Variants in ACO2 observed in about 807,000 individuals in gnomAD.
The protein encoded by ACO2 is aconitase 2, also known as aconitate hydratase, mitochondrial.
ACO2 carries 31 observed loss-of-function variants against 84.5 expected under a neutral mutation model. The observed-to-expected ratio is 0.37, with a 90% CI of 0.28 to 0.50. ACO2 has a LOEUF of 0.50. Among genes scored for constraint, ACO2 ranks in the 20% least tolerant of loss-of-function variants. The pLI, the probability that ACO2 is intolerant of heterozygous loss-of-function variation, is 0.97. For synonymous variants in ACO2, 414 were observed against 412.7 expected (o/e 1.00, Z -0.04); for missense variants, 685 against 1,029.3 (o/e 0.67, Z 4.58).
chr22:41,482,740 T>C (rs540722373), intron 1 of ACO2, among the ~76,000 whole-genome samples: 1 of 152,320 alleles, frequency 6.6e-6, no homozygotes, highest in East Asian at 1.9e-4. Context: ...CTAGGTTCTC[T>C]CCTTTCATCC....
At chr22:41,488,996 C>T (rs951891057) in intron 1 of ACO2, among the ~76,000 whole-genome samples, 1 of 151,994 alleles carries the variant, frequency 6.6e-6, no homozygotes, top group Non-Finnish European at 1.5e-5. Flanking sequence ...TTTACAAAAC[C>T]TTCCAGGTGA....
intron 6 of ACO2, chr22:41,517,227 T>TCAGG (rs1212915391): frequency 7.6e-6 from 3 of 392,878 alleles, no homozygotes; most frequent in Non-Finnish European, 1.5e-5. Context: ...TGGGCGACAG[T>TCAGG]CAGGCCCCAA....
chr22:41,473,135 A>G (rs2037965895), intron 1 of ACO2, among the ~76,000 whole-genome samples: 1 of 152,228 alleles, frequency 6.6e-6, no homozygotes, highest in Admixed American at 6.5e-5. Flanking sequence ...AGATGTGGAC[A>G]GAGGGAACAG....
intron 1 of ACO2, among the ~76,000 whole-genome samples, chr22:41,473,227 G>T (rs1195723943): frequency 1.3e-5 from 2 of 152,168 alleles, no homozygotes; most frequent in East Asian, 3.8e-4. Context: ...AGCTTTGGCT[G>T]GGCTCGGTGG....
chr22:41,481,580 G>A (rs2038087625), intron 1 of ACO2, among the ~76,000 whole-genome samples: 1 of 152,228 alleles, frequency 6.6e-6, no homozygotes, highest in Admixed American at 6.5e-5. Flanking sequence ...TCCGTCCTTT[G>A]GGAAGAGAGG....
Position 41,527,003 on chromosome 22 carries a change from T to A in ACO2, c.1954-285T>A, listed in dbSNP as rs547070828. On this transcript the variant is annotated intron_variant, in intron 15 of 17. Transcript: ENST00000216254. ...GAGGCCGTCCCTGTCTCACCCAACC[T>A]CCCTCCACACACACCTGCCTCTGCC... 5.2e-3 allele frequency: 2,638 copies of A among 504,330 alleles called. 21 individuals are homozygous for A. The highest frequency in any genetic ancestry group is 7.3e-3 in the Non-Finnish European group (2,064 of 282,218). 31.2% of individuals were successfully genotyped at this position (504,330 alleles called of 1,614,324 possible).
At chr22:41,511,357 A>C (rs2066431726) in intron 3 of ACO2, among the ~76,000 whole-genome samples, 1 of 152,098 alleles carries the variant, frequency 6.6e-6, no homozygotes, top group Admixed American at 6.6e-5. Context: ...TTTTTAGTAG[A>C]GACAGGGTTT....
chr22:41,491,965 C>A (rs960439177), intron 1 of ACO2, among the ~76,000 whole-genome samples: 5 of 152,152 alleles, frequency 3.3e-5, no homozygotes, highest in Admixed American at 2.6e-4. Flanking sequence ...GGCCGAGATT[C>A]TAGAGGTAGC....
intron 14 of ACO2, 115 bp from the exon 15 acceptor site, chr22:41,526,147 C>A: frequency 3.4e-6 from 3 of 876,736 alleles, no homozygotes; most frequent in Non-Finnish European, 5.3e-6. Context: ...GCCTGCCTCT[C>A]ACCCCTCTGT....
At chr22:41,526,634 C>A (rs1203317005) in intron 15 of ACO2, 181 bp downstream of exon 15, 1 of 594,920 alleles carries the variant, frequency 1.7e-6, no homozygotes, top group East Asian at 3.0e-5. Context: ...GGCATGAGGC[C>A]CAGGTCCGGT....
chr22:41,512,023 C>A, intron 4 of ACO2, 55 bp downstream of exon 4: 1 of 1,461,160 alleles, frequency 6.8e-7, no homozygotes, highest in Non-Finnish European at 9.3e-7. Context: ...AAGTATGTTC[C>A]AGGCCTATGG....
At chr22:41,513,263 A>G (rs2066449267) in intron 4 of ACO2, among the ~76,000 whole-genome samples, 2 of 152,192 alleles carry the variant, frequency 1.3e-5, no homozygotes. Context: ...CTCCTGGGCC[A>G]AAGTTTGGAG....
At chr22:41,475,169 C>CTTTTT (rs1161178390) in intron 1 of ACO2, among the ~76,000 whole-genome samples, 1 of 120,256 alleles carries the variant, frequency 8.3e-6, no homozygotes, top group Non-Finnish European at 1.7e-5. Context: ...TTGTTTTTTC[C>CTTTTT]TTTTTTTTTT....
At chr22:41,526,815 G>T in intron 15 of ACO2, 1 of 308,014 alleles carries the variant, frequency 3.2e-6, no homozygotes, top group East Asian at 6.6e-5. Flanking sequence ...TGAGGTGATT[G>T]GACTTTTTCT....
intron 15 of ACO2, 104 bp from the exon 16 acceptor site, chr22:41,527,184 C>G: frequency 1.3e-6 from 2 of 1,567,300 alleles, no homozygotes; most frequent in Non-Finnish European, 1.7e-6. Context: ...CCGGGAGCCT[C>G]AGGATGCCCA....
Position 41,528,540 on chromosome 22 carries a change from C to G in ACO2, c.2270C>G (p.Thr757Ser). ...CAGGAGACCATCCTCCTGAACCACA[C>G]CTTCAACGAGACGCAGATTGAGTGG... ...GTQETILLNH[T>S]FNETQIEWFR... Residue 757 changes from threonine (T) to serine (S), a missense_variant, in exon 18 of 18, where the codon ACC (threonine) becomes AGC (serine). Thr to Ser is a moderately conservative substitution (Grantham distance 58). Transcript: ENST00000216254. The G allele has an allele frequency of 6.2e-7, 1 of 1,613,210 alleles. No individual in the cohort carries two copies. The highest frequency in any genetic ancestry group is 8.5e-7 in the Non-Finnish European group (1 of 1,180,044).
At chr22:41,480,731 A>G (rs1442209659) in intron 1 of ACO2, among the ~76,000 whole-genome samples, 1 of 152,182 alleles carries the variant, frequency 6.6e-6, no homozygotes, top group African/African-American at 2.4e-5. Flanking sequence ...CCCAGTCCCC[A>G]GGGCAATTTT....
At chr22:41,479,136 C>T (rs2038056905) in intron 1 of ACO2, among the ~76,000 whole-genome samples, 2 of 152,112 alleles carry the variant, frequency 1.3e-5, no homozygotes, top group Non-Finnish European at 2.9e-5. Flanking sequence ...ATACACGGTA[C>T]TGAAGCAAGG....
chr22:41,524,083 G>A, intron 12 of ACO2, 142 bp downstream of exon 12: 1 of 687,396 alleles, frequency 1.5e-6, no homozygotes, highest in Non-Finnish European at 2.5e-6. Context: ...TCAGGCGCAT[G>A]CTTGGTGCTT....
Sources: gnomAD v4.1 joint callset for allele counts (sites outside exome capture counted in the v4.1 genomes callset) on GRCh38, gnomAD v4.1.1 for gene constraint, MANE v1.5 for transcripts, NCBI Gene and HGNC (gene_info 2026-07-23, HGNC 2026-07-21) for gene names.